The following PPP1R37 variants were observed in gnomAD, a reference collection of about 807,000 sequenced individuals.
PPP1R37 encodes protein phosphatase 1 regulatory subunit 37.
A neutral mutation model predicts 61.0 loss-of-function variants in PPP1R37; 21 were observed. That is an observed-to-expected ratio of 0.34 (90% CI 0.24 to 0.50). The LOEUF is 0.50. Ranked by LOEUF, PPP1R37 falls within the 20% of genes least tolerant of loss-of-function variation. The pLI, the probability that PPP1R37 is intolerant of heterozygous loss-of-function variation, is 0.98. For synonymous variants in PPP1R37, 443 were observed against 433.5 expected (o/e 1.02, Z -0.27); for missense variants, 910 against 952.7 (o/e 0.96, Z 0.59).
intron 5 of PPP1R37, 124 bp downstream of exon 5, chr19:45,141,565 G>GCTGGGC: frequency 7.9e-7 from 1 of 1,267,898 alleles, no homozygotes; most frequent in Non-Finnish European, 1.1e-6. Flanking sequence ...TTGTGGGGAT[G>GCTGGGC]CTGGGCCTGG....
chr19:45,117,082 T>G (rs1408080980), intron 1 of PPP1R37, among the ~76,000 whole-genome samples: 2 of 151,916 alleles, frequency 1.3e-5, no homozygotes, highest in Non-Finnish European at 2.9e-5. Context: ...CCGGCTAATT[T>G]TTGTATTTTT....
chr19:45,097,856 G>A (rs879730436), intron 1 of PPP1R37, among the ~76,000 whole-genome samples: 3 of 152,134 alleles, frequency 2.0e-5, no homozygotes, highest in African/African-American at 4.8e-5. Context: ...CTGTGGGCCC[G>A]TGAGGCCTGG....
At chr19:45,114,371 C>A (rs933984329) in intron 1 of PPP1R37, among the ~76,000 whole-genome samples, 3 of 152,260 alleles carry the variant, frequency 2.0e-5, no homozygotes, top group Non-Finnish European at 4.4e-5. Flanking sequence ...CTCTTCAGAA[C>A]GTCTTCCACT....
chr19:45,145,086 C>A lies in PPP1R37; in HGVS notation c.1130-8C>A. ...GGCCCGTGGCCAGCCCCTGCGGTGCCCCCCCAGGCGCGGTGGCGGTGGCGG... is the reference window on the plus strand; with the variant it reads ...GGCCCGTGGCCAGCCCCTGCGGTGCACCCCCAGGCGCGGTGGCGGTGGCGG... On this transcript the variant is annotated splice_polypyrimidine_tract_variant and splice_region_variant and intron_variant, in intron 9 of 12. Coordinates refer to ENST00000221462, the MANE Select transcript of PPP1R37 (RefSeq NM_019121.2). 6.5e-7 allele frequency: 1 copy of A among 1,531,850 alleles called. No homozygotes were observed. Among genetic ancestry groups the A allele is most frequent in the Non-Finnish European group, 8.7e-7 (1 of 1,145,112 alleles). 94.9% of individuals were successfully genotyped at this position (1,531,850 alleles called of 1,614,324 possible).
At position 45,130,966 on chromosome 19, in the gene PPP1R37, TC is replaced by T. The variant is rs1039823871; in HGVS notation, c.203-7545del. Among the ~76,000 whole-genome samples, 1 of 152,080 alleles carries T rather than the reference TC, an allele frequency of 6.6e-6. No homozygotes were observed. Among genetic ancestry groups the T allele is most frequent in the African/African-American group, 2.4e-5 (1 of 41,406 alleles). On this transcript the variant is annotated intron_variant, in intron 1 of 12. Coordinates refer to ENST00000221462, the MANE Select transcript of PPP1R37 (RefSeq NM_019121.2). This position sits in a 1 kb window ranked among gnomAD's most constrained non-coding sequence, Gnocchi z 4.4. ...CAGTGTTGCTTCCTGGTGTTTTGAC[TC>T]CCACTTGGATGACTGTGTCTGTTTC...
rs1968671875 is a variant in PPP1R37 at position 45,145,176 on chromosome 19, C to A, written c.1212C>A (p.Gly404=). 1.3e-6 allele frequency: 2 copies of A among 1,535,214 alleles called. No homozygotes were observed. The highest frequency in any genetic ancestry group is 1.7e-6 in the Non-Finnish European group (2 of 1,146,520). ...TTCGGGAGAACGAGATCAAGACAGGCGGGCTCATGGCACTGTCGTTGGCCC... is the reference window on the plus strand; with the variant it reads ...TTCGGGAGAACGAGATCAAGACAGGAGGGCTCATGGCACTGTCGTTGGCCC... ...LDLRENEIKT[G]GLMALSLALK... Residue 404 remains glycine (G), a synonymous_variant, in exon 10 of 13, where the codon GGC becomes GGA. Transcript: ENST00000221462.
chr19:45,139,732 A>G (rs1343226718), intron 2 of PPP1R37, among the ~76,000 whole-genome samples: 2 of 152,118 alleles, frequency 1.3e-5, no homozygotes, highest in Non-Finnish European at 2.9e-5. Flanking sequence ...CCTGGTTCAG[A>G]CCAGCCCTGC....
In PPP1R37 at chr19:45,127,240, T is replaced by G. The variant is rs544426973; in HGVS notation, c.203-11274T>G. On this transcript the variant is annotated intron_variant, in intron 1 of 12. Transcript: ENST00000221462. Reference sequence around the variant, plus strand: ...GGCGTGTGCCTGTAATCTCAGCTACTCGGAAGGCTGAGGCAGGAGGAGAAT... The same window carrying G: ...GGCGTGTGCCTGTAATCTCAGCTACGCGGAAGGCTGAGGCAGGAGGAGAAT... 1.4e-3 allele frequency among the ~76,000 whole-genome samples: 218 copies of G among 151,162 alleles called. 1 individual carries two copies. Among genetic ancestry groups the G allele is most frequent in the African/African-American group, 4.5e-3 (184 of 41,052 alleles).
At chr19:45,142,724 G>A (rs988565323) in intron 7 of PPP1R37, 17 of 504,286 alleles carry the variant, frequency 3.4e-5, no homozygotes, top group East Asian at 2.0e-4. Flanking sequence ...GCTGACAGCC[G>A]CAGGATGAGG....
At position 45,116,543 on chromosome 19, in the gene PPP1R37, C is replaced by T. The variant is rs531174329; in HGVS notation, c.203-21971C>T. Among the ~76,000 whole-genome samples the T allele has an allele frequency of 9.2e-5, 14 of 152,320 alleles. No homozygotes were observed. The South Asian group carries it at 2.3e-3, about 25-fold the overall frequency. Reference sequence around the variant, plus strand: ...CCTCTCAGCAGGCCTGAGGAGGGCACGGGGGTCTGAGAGGGAAGGACCGGC... The same window carrying T: ...CCTCTCAGCAGGCCTGAGGAGGGCATGGGGGTCTGAGAGGGAAGGACCGGC... On this transcript the variant is annotated intron_variant, in intron 1 of 12. Transcript: ENST00000221462.
Position 45,127,899 on chromosome 19 carries a change from C to T in PPP1R37, c.203-10615C>T, listed in dbSNP as rs7249573. On this transcript the variant is annotated intron_variant, in intron 1 of 12. Transcript: ENST00000221462. ...CTGAGGCAGGAGAATCCCTTGAACC[C>T]GGGAGGCAGAGGTTGCAGTGAGCCG... Among the ~76,000 whole-genome samples the T allele has an allele frequency of 5.9e-3, 881 of 148,752 alleles. 6 individuals carry two copies. The highest frequency in any genetic ancestry group is 9.6e-3 in the Non-Finnish European group (648 of 67,538).
intron 2 of PPP1R37, 28 bp from the exon 3 acceptor site, chr19:45,140,208 C>T: frequency 1.3e-6 from 2 of 1,533,636 alleles, no homozygotes; most frequent in Non-Finnish European, 1.7e-6. Context: ...AAGTGTCTTC[C>T]TGCCTTAACC....
At chr19:45,123,725 G>T (rs75737567) in intron 1 of PPP1R37, among the ~76,000 whole-genome samples, 3 of 152,200 alleles carry the variant, frequency 2.0e-5, no homozygotes, top group African/African-American at 7.2e-5. Context: ...AGAGCTGCTC[G>T]CACCATTCTG....
At position 45,145,780 on chromosome 19, in the gene PPP1R37, A is replaced by C. The variant is rs1416463958; in HGVS notation, c.1724A>C (p.Glu575Ala). 6.6e-7 allele frequency: 1 copy of C among 1,511,592 alleles called. No individual in the cohort carries two copies. The highest frequency in any genetic ancestry group is 1.4e-5 in the African/African-American group (1 of 72,490). 93.6% of individuals were successfully genotyped at this position (1,511,592 alleles called of 1,614,324 possible). A position where few individuals can be genotyped will look rare whatever the true frequency, so the allele number is the denominator to read the frequency against. Residue 575 changes from glutamate (E) to alanine (A), a missense_variant, in exon 11 of 13, where the codon GAG becomes GCG. By Grantham distance (107) the Glu-to-Ala change is moderately radical. This residue lies in a region of PPP1R37 where 549 missense variants were observed against 505.1 expected (regional missense o/e 1.09). Coordinates refer to ENST00000221462, the MANE Select transcript of PPP1R37 (RefSeq NM_019121.2). ...GHKVFVVTRV[E>A]SPPERAEPPA... is the part of the protein sequence containing the mutation. ...AAGGTGTTTGTGGTGACCCGGGTGG[A>C]GAGCCCGCCCGAGAGGGCAGAGCCC...
At chr19:45,101,171 G>T (rs575066860) in intron 1 of PPP1R37, among the ~76,000 whole-genome samples, 1 of 152,302 alleles carries the variant, frequency 6.6e-6, no homozygotes, top group South Asian at 2.1e-4. Flanking sequence ...TGTGCAGGAG[G>T]GCAGGGCAGA....
chr19:45,132,451 A>G (rs1049902824), intron 1 of PPP1R37, among the ~76,000 whole-genome samples: 3 of 152,030 alleles, frequency 2.0e-5, no homozygotes, highest in African/African-American at 7.2e-5. Context: ...GACCACAGGC[A>G]TGTGCTAATT....
intron 1 of PPP1R37, among the ~76,000 whole-genome samples, chr19:45,105,398 C>T (rs1968117250): frequency 1.3e-5 from 2 of 152,070 alleles, no homozygotes; most frequent in Admixed American, 6.5e-5. Flanking sequence ...GGATGGTGCC[C>T]GGGGTCCTTT....
Position 45,142,419 on chromosome 19 carries a change from C to G in PPP1R37, c.835C>G (p.Gln279Glu). 1 of 1,536,162 alleles carries G rather than the reference C, an allele frequency of 6.5e-7. No individual in the cohort carries two copies. Among genetic ancestry groups the G allele is most frequent in the Non-Finnish European group, 8.7e-7 (1 of 1,146,914 alleles). Residue 279 changes from glutamine to glutamate, a missense_variant, in exon 7 of 13, where the codon CAG becomes GAG. Around this residue, in one of 3 missense-constraint regions of PPP1R37, gnomAD observed 280 missense variants for 382.2 expected, o/e 0.73. Coordinates refer to ENST00000221462, the MANE Select transcript of PPP1R37 (RefSeq NM_019121.2). ...GNLLKFNCSL[Q>E]ILDLRNNHVL... Reference sequence around the variant, plus strand: ...CCTGCTCAAGTTCAACTGCTCCCTGCAGATCCTGGACCTCCGGAACAACCA... The same window carrying G: ...CCTGCTCAAGTTCAACTGCTCCCTGGAGATCCTGGACCTCCGGAACAACCA...
At chr19:45,137,318 A>G (rs1425990535) in intron 1 of PPP1R37, among the ~76,000 whole-genome samples, 1 of 152,262 alleles carries the variant, frequency 6.6e-6, no homozygotes, top group Non-Finnish European at 1.5e-5. Flanking sequence ...ACTCTTCAGC[A>G]GTATAAAGGG....
Sources: gnomAD v4.1 joint callset for allele counts (sites outside exome capture counted in the v4.1 genomes callset) on GRCh38, gnomAD v4.1.1 for gene constraint, gnomAD v4.1.1 regional missense constraint, Gnocchi (gnomAD v3.1) non-coding constraint, MANE v1.5 for transcripts, NCBI Gene and HGNC (gene_info 2026-07-23, HGNC 2026-07-21) for gene names.